The following LMX1A variants were observed in gnomAD, a reference collection of about 807,000 sequenced individuals.
LMX1A encodes the protein LIM homeobox transcription factor 1-alpha.
In LMX1A, 15 loss-of-function variants were observed where a neutral mutation model predicts 49.1. The ratio of observed to expected loss-of-function variants is 0.31; its 90% CI spans 0.20 to 0.47. The LOEUF is 0.47. Ranked by LOEUF, LMX1A falls within the 20% of genes least tolerant of loss-of-function variation. LMX1A has a pLI of 1.00. For synonymous variants in LMX1A, 167 were observed against 185.7 expected, an observed-to-expected ratio of 0.90 and a Z score of 0.82; for missense variants, 372 against 475.8, an observed-to-expected ratio of 0.78 and a Z score of 2.03.
chr1:165,306,160 T>C (rs189982165), intron 3 of LMX1A, among the ~76,000 whole-genome samples: 5 of 152,296 alleles, frequency 3.3e-5, no homozygotes, highest in African/African-American at 9.6e-5. Context: ...ACCTTCTTCC[T>C]CCCACCTGTT....
chr1:165,281,230 C>T (rs967981066), intron 3 of LMX1A, among the ~76,000 whole-genome samples: 1 of 152,202 alleles, frequency 6.6e-6, no homozygotes, highest in South Asian at 2.1e-4. Context: ...AAATGCAAGA[C>T]ACTAAGCTTT....
In LMX1A at chr1:165,210,794, A is replaced by G. The variant is rs935049414; in HGVS notation, c.670-18T>C. ...TCTCTCACCTTGGAAAAATTGAACG[A>G]GAAATGTAGACACACTGGCATCTCA... On this transcript the variant is annotated intron_variant, in intron 5 of 8. Coordinates refer to ENST00000342310, the MANE Select transcript of LMX1A (RefSeq NM_177398.4). 3 of 1,598,248 alleles carry G rather than the reference A, an allele frequency of 1.9e-6. No individual in the cohort carries two copies. The highest frequency in any genetic ancestry group is 2.6e-6 in the Non-Finnish European group (3 of 1,165,968).
At position 165,210,776 on chromosome 1, in the gene LMX1A, C is replaced by T. The variant is rs1651348262; in HGVS notation, c.670G>A (p.Val224Met). 4 of 1,612,890 alleles carry T rather than the reference C, an allele frequency of 2.5e-6. No individual in the cohort carries two copies. The highest frequency in any genetic ancestry group is 1.3e-5 in the African/African-American group (1 of 74,888). Reference protein sequence around the residue: ...FEVSSKPCRKVRETLAAETGL... With the variant: ...FEVSSKPCRKMRETLAAETGL... The stretch of plus-strand genomic sequence containing the variant: ...GTCTCTGCAGCCAGAGTCTCTCTCA[C>T]CTTGGAAAAATTGAACGAGAAATGT... Residue 224 changes from valine (V) to methionine (M), a missense_variant and splice_region_variant, in exon 6 of 9, where the codon GTG (valine) becomes ATG (methionine). Around this residue, in one of 3 missense-constraint regions of LMX1A, gnomAD observed 46 missense variants for 93.8 expected, o/e 0.49. Coordinates refer to ENST00000342310, the MANE Select transcript of LMX1A (RefSeq NM_177398.4).
At chr1:165,252,778 A>T (rs1478753180) in intron 3 of LMX1A, among the ~76,000 whole-genome samples, 1 of 152,162 alleles carries the variant, frequency 6.6e-6, no homozygotes, top group African/African-American at 2.4e-5. Flanking sequence ...ATCCAGGGAG[A>T]TGAGGCCACC....
intron 2 of LMX1A, among the ~76,000 whole-genome samples, chr1:165,354,181 C>T (rs990698569): frequency 1.2e-4 from 18 of 152,124 alleles, no homozygotes; most frequent in Non-Finnish European, 2.1e-4. Context: ...CACTCTTGCC[C>T]TTGTCCCCCC....
chr1:165,221,282 AG>A (rs1023464397), intron 4 of LMX1A, among the ~76,000 whole-genome samples: 1 of 150,072 alleles, frequency 6.7e-6, no homozygotes, highest in Non-Finnish European at 1.5e-5. Flanking sequence ...GGCTTTCTGG[AG>A]GGGGTGAAAG....
intron 3 of LMX1A, among the ~76,000 whole-genome samples, chr1:165,253,818 G>A (rs1653139324): frequency 6.6e-6 from 1 of 152,128 alleles, no homozygotes; most frequent in Non-Finnish European, 1.5e-5. Context: ...TGGAACTCCA[G>A]GTTCCAGCTG....
Position 165,288,717 on chromosome 1 carries a change from C to T in LMX1A, c.264-39077G>A, listed in dbSNP as rs191926412. On this transcript the variant is annotated intron_variant, in intron 3 of 8. Transcript: ENST00000342310. ...GTGTGTGCGTGTGTATGCGTGTTTGCGCGCCTGTGCTCACACACAGGCTCA... is the reference window on the plus strand; with the variant it reads ...GTGTGTGCGTGTGTATGCGTGTTTGTGCGCCTGTGCTCACACACAGGCTCA... Among the ~76,000 whole-genome samples the T allele has an allele frequency of 1.5e-4, 23 of 152,294 alleles. 1 individual carries two copies. In the East Asian group the frequency reaches 4.1e-3, roughly 27 times the overall value.
chr1:165,315,373 T>G (rs1655188157), intron 3 of LMX1A, among the ~76,000 whole-genome samples: 1 of 152,164 alleles, frequency 6.6e-6, no homozygotes, highest in African/African-American at 2.4e-5. Flanking sequence ...TCTCTACCCA[T>G]TCCAACCTTG....
chr1:165,347,303 T>C (rs1656280611), intron 3 of LMX1A, among the ~76,000 whole-genome samples: 1 of 152,238 alleles, frequency 6.6e-6, no homozygotes, highest in South Asian at 2.1e-4. Flanking sequence ...AAAAGGCCAC[T>C]GGCAGTGACT....
At chr1:165,293,700 A>G (rs1654541034) in intron 3 of LMX1A, among the ~76,000 whole-genome samples, 1 of 152,248 alleles carries the variant, frequency 6.6e-6, no homozygotes. Flanking sequence ...AGATCAAGGC[A>G]GATTCAGCGT....
chr1:165,310,741 TGGA>T (rs1416898538), intron 3 of LMX1A, among the ~76,000 whole-genome samples: 2 of 152,240 alleles, frequency 1.3e-5, no homozygotes, highest in Non-Finnish European at 2.9e-5. Context: ...TGAGGGCTGC[TGGA>T]AAGTAATTAC....
At chr1:165,314,499 C>T (rs1178890419) in intron 3 of LMX1A, among the ~76,000 whole-genome samples, 1 of 152,160 alleles carries the variant, frequency 6.6e-6, no homozygotes, top group Admixed American at 6.5e-5. Flanking sequence ...TCTAGCTGGT[C>T]CCCCATCTTA....
intron 4 of LMX1A, among the ~76,000 whole-genome samples, chr1:165,227,863 A>G (rs1300551343): frequency 6.6e-6 from 1 of 152,186 alleles, no homozygotes; most frequent in African/African-American, 2.4e-5. Context: ...GAAATGGAAA[A>G]AGACTTTCTT....
chr1:165,344,175 T>A (rs1656166588), intron 3 of LMX1A, among the ~76,000 whole-genome samples: 1 of 152,158 alleles, frequency 6.6e-6, no homozygotes, highest in African/African-American at 2.4e-5. Context: ...AGGAGTGCAA[T>A]CAAAACTCCA....
chr1:165,355,566 G>A lies in LMX1A; in HGVS notation c.-7C>T, dbSNP rs912382185. Reference sequence around the variant, plus strand: ...TCTTTAGGCCGTCCAGCATGTTCGGGCCGGGCCGGGAGGACCTGTAGAGGA... The same window carrying A: ...TCTTTAGGCCGTCCAGCATGTTCGGACCGGGCCGGGAGGACCTGTAGAGGA... On this transcript the variant is annotated 5_prime_UTR_variant, in exon 2 of 9. Transcript: ENST00000342310. The surrounding 1 kb of genome is among the most constrained non-coding windows in gnomAD (Gnocchi z 4.7). 1 of 1,613,210 alleles carries A rather than the reference G, an allele frequency of 6.2e-7. No homozygotes were observed. Among genetic ancestry groups the A allele is most frequent in the Non-Finnish European group, 8.5e-7 (1 of 1,179,718 alleles).
chr1:165,294,419 G>A (rs1023470809), intron 3 of LMX1A, among the ~76,000 whole-genome samples: 4 of 152,228 alleles, frequency 2.6e-5, no homozygotes. Flanking sequence ...TAGTTGGAAA[G>A]TTTGGCCAGG....
intron 3 of LMX1A, among the ~76,000 whole-genome samples, chr1:165,260,803 C>A (rs1653411039): frequency 6.6e-6 from 1 of 152,182 alleles, no homozygotes; most frequent in Admixed American, 6.5e-5. Flanking sequence ...GAGTAAAAAT[C>A]TCCCTGTGGC....
At chr1:165,350,986 A>AC (rs1292731840) in intron 3 of LMX1A, among the ~76,000 whole-genome samples, 1 of 150,116 alleles carries the variant, frequency 6.7e-6, no homozygotes, top group African/African-American at 2.5e-5. Context: ...GAGAGAACTG[A>AC]CCCTCCTGGG....
Sources: allele counts gnomAD v4.1 joint callset (sites outside exome capture counted in the v4.1 genomes callset), GRCh38; gene constraint gnomAD v4.1.1; regional missense constraint gnomAD v4.1.1; non-coding constraint Gnocchi (gnomAD v3.1); transcripts MANE v1.5; gene names NCBI Gene and HGNC (gene_info 2026-07-23, HGNC 2026-07-21).